The following RARRES1 variants were observed in gnomAD, a reference collection of about 807,000 sequenced individuals.
The protein encoded by RARRES1 is retinoic acid receptor responder protein 1.
RARRES1 carries 34 observed loss-of-function variants against 30.6 expected under a neutral mutation model. The ratio of observed to expected loss-of-function variants is 1.11; its 90% CI spans 0.84 to 1.48. The LOEUF is 1.48. RARRES1 is among the 40% of genes most tolerant of loss of function. The probability of loss-of-function intolerance (pLI) is 0.00; values close to 1 mark genes in which losing one functional copy is unlikely to be tolerated. For missense variants in RARRES1, 373 were observed against 386.5 expected (o/e 0.97, Z 0.29); for synonymous variants, 153 against 155.5 (o/e 0.98, Z 0.12).
At chr3:158,730,181 G>C (rs1030828657) in intron 1 of RARRES1, among the ~76,000 whole-genome samples, 1 of 152,050 alleles carries the variant, frequency 6.6e-6, no homozygotes, top group South Asian at 2.1e-4. Flanking sequence ...TTAGCCAGGC[G>C]TGGTGGCACG....
At chr3:158,709,594 T>G (rs1234603740) in intron 3 of RARRES1, among the ~76,000 whole-genome samples, 2 of 152,174 alleles carry the variant, frequency 1.3e-5, no homozygotes, top group Non-Finnish European at 2.9e-5. Context: ...TAAGGACATT[T>G]AGTCTCAGTA....
At chr3:158,731,020 T>G (rs1231066580) in intron 1 of RARRES1, among the ~76,000 whole-genome samples, 1 of 147,120 alleles carries the variant, frequency 6.8e-6, no homozygotes, top group Non-Finnish European at 1.5e-5. Context: ...CGACCTCAGG[T>G]GATCCACCTG....
chr3:158,723,128 G>A lies in RARRES1; in HGVS notation c.276+9012C>T, dbSNP rs527360416. On this transcript the variant is annotated intron_variant, in intron 1 of 5. Transcript: ENST00000237696. The surrounding 1 kb of genome is among the most constrained non-coding windows in gnomAD (Gnocchi z 4.4). ...TGGTCCTTCCTGTTGTGTTAGTGCC[G>A]GTTGTGACAACGTTAATTTCCTGTT... Among the ~76,000 whole-genome samples the A allele has an allele frequency of 5.3e-5, 8 of 152,100 alleles. No individual in the cohort carries two copies. The highest frequency in any genetic ancestry group is 1.3e-4 in the Admixed American group (2 of 15,266).
At chr3:158,720,742 C>A (rs1727488250) in intron 1 of RARRES1, among the ~76,000 whole-genome samples, 2 of 152,130 alleles carry the variant, frequency 1.3e-5, no homozygotes, top group Admixed American at 1.3e-4. Flanking sequence ...TCAAGGGATT[C>A]TCCGGGCCGC....
chr3:158,699,449 A>G (rs1726655371), intron 4 of RARRES1, among the ~76,000 whole-genome samples: 1 of 142,440 alleles, frequency 7.0e-6, no homozygotes, highest in African/African-American at 2.6e-5. Context: ...CCCCCCACCA[A>G]AAAAGTTTAG....
intron 1 of RARRES1, among the ~76,000 whole-genome samples, chr3:158,724,103 G>A (rs772760394): frequency 1.3e-5 from 2 of 152,176 alleles, no homozygotes; most frequent in African/African-American, 4.8e-5. Flanking sequence ...AGCTAGAGAG[G>A]AGAGGGCAGG....
intron 1 of RARRES1, among the ~76,000 whole-genome samples, chr3:158,714,427 G>C (rs1727250809): frequency 1.3e-5 from 2 of 152,218 alleles, no homozygotes; most frequent in Admixed American, 1.3e-4. Context: ...AGCCATCCCA[G>C]ATCTAGGTGG....
chr3:158,722,666 A>C (rs1727554826), intron 1 of RARRES1, among the ~76,000 whole-genome samples: 1 of 152,054 alleles, frequency 6.6e-6, no homozygotes, highest in Non-Finnish European at 1.5e-5. Context: ...GCGGATCACG[A>C]GGTCAGGAGA....
In RARRES1 at chr3:158,729,445, C is replaced by CTTTA. The variant is rs527852367; in HGVS notation, c.276+2691_276+2694dup. ...GATAATGCAAGTTATTTTATTATTC[C>CTTTA]TTTATTTATTTATTTATTTATTTGA... On this transcript the variant is annotated intron_variant, in intron 1 of 5. Coordinates refer to ENST00000237696, the MANE Select transcript of RARRES1 (RefSeq NM_206963.2). Among the ~76,000 whole-genome samples, 138 of 151,460 alleles carry CTTTA rather than the reference C, an allele frequency of 9.1e-4. 2 individuals are homozygous for CTTTA. Among genetic ancestry groups the CTTTA allele is most frequent in the South Asian group, 5.4e-3 (26 of 4,800 alleles).
intron 1 of RARRES1, among the ~76,000 whole-genome samples, chr3:158,722,881 C>CAA (rs140630533): frequency 0.3 from 32,369 of 109,598 alleles, 4,537 homozygotes; most frequent in Middle Eastern, 0.43. Flanking sequence ...GACTCCATCT[C>CAA]AAAAAAAAAA....
chr3:158,703,450 A>G (rs1576808865), intron 4 of RARRES1, among the ~76,000 whole-genome samples: 2 of 152,096 alleles, frequency 1.3e-5, no homozygotes, highest in South Asian at 2.1e-4. Flanking sequence ...TTTCAGCCCT[A>G]TGCTCACCCA....
chr3:158,713,903 A>G lies in RARRES1; in HGVS notation c.277-44T>C, dbSNP rs1394992977. 3 of 1,519,624 alleles carry G rather than the reference A, an allele frequency of 2.0e-6. No individual in the cohort carries two copies. The Admixed American group carries it at 5.1e-5, about 26-fold the overall frequency. The allele number at this position is 1,519,624 out of a possible 1,614,324, so 94.1% of individuals were successfully genotyped here. On this transcript the variant is annotated intron_variant, in intron 1 of 5. Coordinates refer to ENST00000237696, the MANE Select transcript of RARRES1 (RefSeq NM_206963.2). ...ATCTTAGTATAGTAGAAGCTCCCTT[A>G]AACATCCTCATATCCAGGAATCACA...
At chr3:158,717,734 C>T (rs1234486787) in intron 1 of RARRES1, among the ~76,000 whole-genome samples, 1 of 152,032 alleles carries the variant, frequency 6.6e-6, no homozygotes, top group East Asian at 1.9e-4. Flanking sequence ...GAGCAGGAGG[C>T]TGGCTGAGGG....
intron 3 of RARRES1, among the ~76,000 whole-genome samples, chr3:158,709,648 C>T (rs1462093521): frequency 6.6e-6 from 1 of 152,150 alleles, no homozygotes; most frequent in Non-Finnish European, 1.5e-5. Flanking sequence ...GACTACAGAG[C>T]CTCCAGTGTT....
At chr3:158,714,743 A>C (rs986213277) in intron 1 of RARRES1, among the ~76,000 whole-genome samples, 2 of 152,260 alleles carry the variant, frequency 1.3e-5, no homozygotes, top group Admixed American at 1.3e-4. Flanking sequence ...ATGATAAATC[A>C]GTAAAAGAAA....
rs1227637157 is a variant in RARRES1 at position 158,700,235 on chromosome 3, A to G, written c.673-2265T>C. ...TGTGTGTGTGTGTGTATATATATAT[A>G]TATAAATTGGTTTTACTTATACACT... On this transcript the variant is annotated intron_variant, in intron 4 of 5. Transcript: ENST00000237696. Among the ~76,000 whole-genome samples the G allele has an allele frequency of 3.2e-3, 477 of 146,800 alleles. 2 individuals are homozygous for G. Among genetic ancestry groups the G allele is most frequent in the African/African-American group, 0.011 (428 of 38,492 alleles).
intron 1 of RARRES1, among the ~76,000 whole-genome samples, chr3:158,725,766 C>T (rs954438103): frequency 3.3e-5 from 5 of 152,212 alleles, no homozygotes; most frequent in Non-Finnish European, 7.3e-5. Context: ...GCTTTAACCC[C>T]GGGACCTAGT....
intron 1 of RARRES1, among the ~76,000 whole-genome samples, chr3:158,724,718 A>G (rs558843708): frequency 6.6e-6 from 1 of 152,376 alleles, no homozygotes; most frequent in African/African-American, 2.4e-5. Context: ...ACACAATACC[A>G]ATACAGAATT....
intron 1 of RARRES1, among the ~76,000 whole-genome samples, chr3:158,723,000 A>C (rs768086375): frequency 6.6e-6 from 1 of 152,166 alleles, no homozygotes; most frequent in South Asian, 2.1e-4. Flanking sequence ...GCACCACCCC[A>C]TGGAGGAGTC....
Sources: gnomAD v4.1 joint callset for allele counts (sites outside exome capture counted in the v4.1 genomes callset) on GRCh38, gnomAD v4.1.1 for gene constraint, Gnocchi (gnomAD v3.1) non-coding constraint, MANE v1.5 for transcripts, NCBI Gene and HGNC (gene_info 2026-07-23, HGNC 2026-07-21) for gene names.